COL1A1: variants seen among roughly 807,000 people sequenced by gnomAD.
The protein encoded by COL1A1 is collagen alpha-1(I) chain.
In COL1A1, 21 loss-of-function variants were observed where a neutral mutation model predicts 195.7. That is an observed-to-expected ratio of 0.11 (90% CI 0.08 to 0.15). The LOEUF is 0.15. Ranked by LOEUF, COL1A1 falls within the 10% of genes least tolerant of loss-of-function variation. The probability of loss-of-function intolerance (pLI) is 1.00; values close to 1 mark genes in which losing one functional copy is unlikely to be tolerated. For missense variants in COL1A1, 1,365 were observed against 2,051.0 expected, an observed-to-expected ratio of 0.67 and a Z score of 6.46; for synonymous variants, 749 against 747.3, an observed-to-expected ratio of 1.00 and a Z score of -0.04.
At position 50,185,333 on chromosome 17, in the gene COL1A1, A is replaced by C. The variant is rs771941565; in HGVS notation, c.*169T>G. On this transcript the variant is annotated 3_prime_UTR_variant, in exon 51 of 51. Coordinates refer to ENST00000225964, the MANE Select transcript of COL1A1 (RefSeq NM_000088.4). Reference sequence around the variant, plus strand: ...CATGTTCGGTTGGTCAAAGATAAAAACTAAGTTTGAGAGATGAATGCAAAG... The same window carrying C: ...CATGTTCGGTTGGTCAAAGATAAAACCTAAGTTTGAGAGATGAATGCAAAG... The C allele has an allele frequency of 4.0e-5, 30 of 745,540 alleles. No homozygotes were observed. Among genetic ancestry groups the C allele is most frequent in the Non-Finnish European group, 6.2e-5 (28 of 449,798 alleles). 46.2% of individuals were successfully genotyped at this position (745,540 alleles called of 1,614,324 possible).
At chr17:50,199,350 C>G in intron 4 of COL1A1, 23 bp from the exon 5 acceptor site, 5 of 1,592,040 alleles carry the variant, frequency 3.1e-6, no homozygotes, top group Non-Finnish European at 3.4e-6. Flanking sequence ...AGGGCGGGGC[C>G]GGGGTGAGCG....
chr17:50,184,981 G>T lies in COL1A1; in HGVS notation c.*521C>A, dbSNP rs1285824060. On this transcript the variant is annotated 3_prime_UTR_variant, in exon 51 of 51. Transcript: ENST00000225964. Reference sequence around the variant, plus strand: ...ACCCCAGGTCCCCCAGGGCCTGGGGGTGCTGGGCGGGCAGGAGCGGGCTGA... The same window carrying T: ...ACCCCAGGTCCCCCAGGGCCTGGGGTTGCTGGGCGGGCAGGAGCGGGCTGA... 8.6e-6 allele frequency: 2 copies of T among 231,670 alleles called. No homozygotes were observed. Among genetic ancestry groups the T allele is most frequent in the Non-Finnish European group, 8.5e-6 (1 of 117,440 alleles). The allele number at this position is 231,670 out of a possible 1,614,324, so 14.4% of individuals were successfully genotyped here.
At position 50,189,159 on chromosome 17, in the gene COL1A1, G is replaced by A. The variant is rs1555572393; in HGVS notation, c.2937+9C>T. The A allele has an allele frequency of 1.6e-5, 25 of 1,612,908 alleles. No individual in the cohort carries two copies. Among genetic ancestry groups the A allele is most frequent in the Non-Finnish European group, 2.0e-5 (24 of 1,179,122 alleles). On this transcript the variant is annotated intron_variant, in intron 40 of 50. Coordinates refer to ENST00000225964, the MANE Select transcript of COL1A1 (RefSeq NM_000088.4). This position sits in a 1 kb window ranked among gnomAD's most constrained non-coding sequence, Gnocchi z 5.5. Reference sequence around the variant, plus strand: ...TCTCAGGGCCCCCCAAGGTGAGGGGGGCACTTACAGAGGGGCCAGGAAGAC... The same window carrying A: ...TCTCAGGGCCCCCCAAGGTGAGGGGAGCACTTACAGAGGGGCCAGGAAGAC...
In COL1A1 at chr17:50,190,808, C is replaced by T; in HGVS notation, c.2343+9G>A. 1 of 1,607,270 alleles carries T rather than the reference C, an allele frequency of 6.2e-7. No homozygotes were observed. Among genetic ancestry groups the T allele is most frequent in the Non-Finnish European group, 8.5e-7 (1 of 1,174,370 alleles). ...GTTAGGGCAGAAGGTGGGGAGGCGG[C>T]CACCTCACCTTGTCACCAGGGGCAC... On this transcript the variant is annotated intron_variant, in intron 33 of 50. Transcript: ENST00000225964. This position sits in a 1 kb window ranked among gnomAD's most constrained non-coding sequence, Gnocchi z 4.7.
chr17:50,199,667 G>C (rs1040577448), intron 2 of COL1A1, 77 bp from the exon 3 acceptor site: 1 of 1,610,010 alleles, frequency 6.2e-7, no homozygotes, highest in Admixed American at 1.7e-5. Context: ...CCAGCACGGA[G>C]GGCCAGCGAG....
At position 50,191,974 on chromosome 17, in the gene COL1A1, A is replaced by G. The variant is rs1337390938; in HGVS notation, c.2028+6T>C. 2 of 1,611,984 alleles carry G rather than the reference A, an allele frequency of 1.2e-6. No individual in the cohort carries two copies. Among genetic ancestry groups the G allele is most frequent in the Non-Finnish European group, 1.7e-6 (2 of 1,179,240 alleles). On this transcript the variant is annotated splice_donor_region_variant and intron_variant, in intron 30 of 50. Coordinates refer to ENST00000225964, the MANE Select transcript of COL1A1 (RefSeq NM_000088.4). ...TTGACGGATGCAGCGAGAGAGGCCT[A>G]CTTACTCTTGCTCCAGAGGGGCCAG...
chr17:50,200,909 C>T (rs1278007548), intron 1 of COL1A1, among the ~76,000 whole-genome samples: 4 of 152,228 alleles, frequency 2.6e-5, no homozygotes, highest in East Asian at 1.9e-4. Context: ...CCCGCCCCGC[C>T]GAGTCCGCGC....
At position 50,199,763 on chromosome 17, in the gene COL1A1, G is replaced by C. The variant is rs1426821581; in HGVS notation, c.288C>G (p.Pro96=). ...CGAGCGCAGCCGCACCTGAGCCGTCGGGGCAGACGGGACAGCACTCGCCCT... is the reference window on the plus strand; with the variant it reads ...CGAGCGCAGCCGCACCTGAGCCGTCCGGGCAGACGGGACAGCACTCGCCCT... ...VPEGECCPVC[P]DGSESPTDQE... Residue 96 remains proline, a synonymous_variant, in exon 2 of 51, where the codon CCC becomes CCG. Coordinates refer to ENST00000225964, the MANE Select transcript of COL1A1 (RefSeq NM_000088.4). 2 of 1,612,512 alleles carry C rather than the reference G, an allele frequency of 1.2e-6. No individual in the cohort carries two copies. The highest frequency in any genetic ancestry group is 1.7e-6 in the Non-Finnish European group (2 of 1,179,740).
In COL1A1 at chr17:50,188,701, G is replaced by A. The variant is rs1455884696; in HGVS notation, c.3099+41C>T. 1 of 1,613,552 alleles carries A rather than the reference G, an allele frequency of 6.2e-7. No homozygotes were observed. The highest frequency in any genetic ancestry group is 8.5e-7 in the Non-Finnish European group (1 of 1,179,486). On this transcript the variant is annotated intron_variant, in intron 42 of 50. Coordinates refer to ENST00000225964, the MANE Select transcript of COL1A1 (RefSeq NM_000088.4). This position sits in a 1 kb window ranked among gnomAD's most constrained non-coding sequence, Gnocchi z 5.6. ...TGAAGGGCCAGGATGGGGCAGGGAA[G>A]CAGCAGACAAGGCTGTGGTCATGGA...
rs754398129 is a variant in COL1A1, at chr17:50,186,917, G to C, written c.3537C>G (p.Pro1179=). The change falls in exon 48 of 51, where the codon CCC becomes CCG. Residue 1179 remains proline (P), a synonymous_variant. Coordinates refer to ENST00000225964, the MANE Select transcript of COL1A1 (RefSeq NM_000088.4). The surrounding 1 kb of genome is among the most constrained non-coding windows in gnomAD (Gnocchi z 5.3). The stretch of plus-strand genomic sequence containing the variant: ...GACCAGGAGGTCCAGGAGGGCCGGG[G>C]GGACCCTGCACAGAGAGGGAAGAGA... ...GRTGDAGPVG[P]PGPPGPPGPP... 1.9e-6 allele frequency: 3 copies of C among 1,613,722 alleles called. No individual in the cohort carries two copies. Among genetic ancestry groups the C allele is most frequent in the Non-Finnish European group, 2.5e-6 (3 of 1,179,910 alleles).
At position 50,189,171 on chromosome 17, in the gene COL1A1, G is replaced by A; in HGVS notation, c.2934C>T (p.Pro978=). The part of the protein sequence containing the change: ...GERGFPGLPG[P]SGEPGKQGPS... ...CCAAGGTGAGGGGGGCACTTACAGAGGGGCCAGGAAGACCAGGGAAGCCTC... is the reference window on the plus strand; with the variant it reads ...CCAAGGTGAGGGGGGCACTTACAGAAGGGCCAGGAAGACCAGGGAAGCCTC... Residue 978 remains proline, a synonymous_variant, in exon 40 of 51, where the codon CCC becomes CCT. Coordinates refer to ENST00000225964, the MANE Select transcript of COL1A1 (RefSeq NM_000088.4). The surrounding 1 kb of genome is among the most constrained non-coding windows in gnomAD (Gnocchi z 5.5). 1 of 1,613,828 alleles carries A rather than the reference G, an allele frequency of 6.2e-7. No homozygotes were observed. Among genetic ancestry groups the A allele is most frequent in the Non-Finnish European group, 8.5e-7 (1 of 1,179,880 alleles).
At position 50,192,477 on chromosome 17, in the gene COL1A1, G is replaced by C. The variant is rs72651631; in HGVS notation, c.1981C>G (p.Gln661Glu). The stretch of plus-strand genomic sequence containing the variant: ...TCTGGCCGGCTGCTCCCTCTTACCT[G>C]TTCACCAGGTTTGCCTGCTTCACCT... ...PPGEAGKPGE[Q>E]GVPGDLGAPG... is the part of the protein sequence containing the mutation. The change falls in exon 29 of 51, where the codon CAG becomes GAG. Residue 661 changes from glutamine (Q) to glutamate (E), a missense_variant and splice_region_variant. Transcript: ENST00000225964. 6.2e-7 allele frequency: 1 copy of C among 1,610,896 alleles called. No homozygotes were observed. Among genetic ancestry groups the C allele is most frequent in the Admixed American group, 1.7e-5 (1 of 59,440 alleles).
At chr17:50,197,297 G>A (rs1291185394) in intron 9 of COL1A1, 64 bp from the exon 10 acceptor site, 10 of 1,532,948 alleles carry the variant, frequency 6.5e-6, no homozygotes, top group Non-Finnish European at 9.0e-6. Context: ...GGCTGGAAAA[G>A]TGGAGAAGGT....
At chr17:50,193,081 G>C (rs760360608) in intron 25 of COL1A1, 34 bp from the exon 26 acceptor site, 29 of 1,609,728 alleles carry the variant, frequency 1.8e-5, no homozygotes, top group Non-Finnish European at 2.5e-5. Flanking sequence ...TGAGGGGGCT[G>C]AAGTGAGAAG....
chr17:50,197,115 G>C (rs765714339), intron 10 of COL1A1, 52 bp from the exon 11 acceptor site: 2 of 1,613,790 alleles, frequency 1.2e-6, no homozygotes, highest in Middle Eastern at 1.7e-4. Context: ...CATCACTGTG[G>C]ACCCAGCTCC....
In COL1A1 at chr17:50,191,715, C is replaced by A. The variant is rs2144559673; in HGVS notation, c.2127+73G>T. On this transcript the variant is annotated intron_variant, in intron 31 of 50. Coordinates refer to ENST00000225964, the MANE Select transcript of COL1A1 (RefSeq NM_000088.4). Reference sequence around the variant, plus strand: ...CTCCATGGCTTTGGTCATGGCCCGCCATCCCCTGCTGCAGGAGGGGTGAGA... The same window carrying A: ...CTCCATGGCTTTGGTCATGGCCCGCAATCCCCTGCTGCAGGAGGGGTGAGA... 3 of 1,485,682 alleles carry A rather than the reference C, an allele frequency of 2.0e-6. No homozygotes were observed. The East Asian group carries it at 7.4e-5, about 36-fold the overall frequency. 92.0% of individuals were successfully genotyped at this position (1,485,682 alleles called of 1,614,324 possible). A position where few individuals can be genotyped will look rare whatever the true frequency, so the allele number is the denominator to read the frequency against.
rs1406523185 is a variant in COL1A1 at position 50,199,477 on chromosome 17, C to T, written c.334-24G>A. The T allele has an allele frequency of 4.3e-6, 7 of 1,614,068 alleles. No homozygotes were observed. The African/African-American group carries it at 6.7e-5, about 15-fold the overall frequency. ...CCCTGTGGGATTGGGGGAGAAGAAA[C>T]AAGAGGCCAGGTTAGAGAAGGGAGG... On this transcript the variant is annotated intron_variant, in intron 3 of 50. Coordinates refer to ENST00000225964, the MANE Select transcript of COL1A1 (RefSeq NM_000088.4).
intron 46 of COL1A1, 97 bp from the exon 47 acceptor site, chr17:50,187,219 CCACGGCTCATAGAGCCAGCCT>C: frequency 9.3e-7 from 1 of 1,076,248 alleles, no homozygotes; most frequent in Non-Finnish European, 1.4e-6. Context: ...GGCTCTGGCC[CCACGGCTCATAGAGCCAGCCT>C]CAGCCTCTTT....
chr17:50,196,095 A>AG, intron 15 of COL1A1, 60 bp downstream of exon 15: 2 of 1,611,868 alleles, frequency 1.2e-6, no homozygotes, highest in Non-Finnish European at 1.7e-6. Context: ...GTCAGCCCCA[A>AG]GAGCAGATAC....
Sources: allele counts gnomAD v4.1 joint callset (sites outside exome capture counted in the v4.1 genomes callset), GRCh38; gene constraint gnomAD v4.1.1; non-coding constraint Gnocchi (gnomAD v3.1); transcripts MANE v1.5; gene names NCBI Gene and HGNC (gene_info 2026-07-23, HGNC 2026-07-21).